Variants in GEN1 observed in about 807,000 individuals in gnomAD.
GEN1 encodes flap endonuclease GEN homolog 1.
Under a neutral mutation model 67.6 loss-of-function variants are expected in GEN1, and 64 were observed. The observed-to-expected ratio is 0.95, with a 90% CI of 0.77 to 1.17. GEN1 has a LOEUF of 1.17. GEN1 is among the 50% of genes most tolerant of loss of function. The pLI is 0.00. For missense variants in GEN1, 1,058 were observed against 1,048.3 expected, an observed-to-expected ratio of 1.01 and a Z score of -0.13; for synonymous variants, 371 against 359.4, an observed-to-expected ratio of 1.03 and a Z score of -0.37.
rs1008148414 is a variant in GEN1, at chr2:17,784,894, C to G, written c.*2955C>G. On this transcript the variant is annotated 3_prime_UTR_variant, in exon 14 of 14. Coordinates refer to ENST00000381254, the MANE Select transcript of GEN1 (RefSeq NM_001130009.3). ...CATTTTGCTATATAGCTCAGGAGTC[C>G]CCAACCCCTGGGCTATGGACAGGTA... 1 of 152,106 alleles carries G rather than the reference C, an allele frequency of 6.6e-6. No individual in the cohort carries two copies. Among genetic ancestry groups the G allele is most frequent in the African/African-American group, 2.4e-5 (1 of 41,404 alleles). 9.4% of individuals were successfully genotyped at this position (152,106 alleles called of 1,614,324 possible).
intron 1 of GEN1, among the ~76,000 whole-genome samples, chr2:17,755,998 T>C (rs1671417290): frequency 6.6e-6 from 1 of 152,254 alleles, no homozygotes; most frequent in Non-Finnish European, 1.5e-5. Flanking sequence ...TTATGTTCTT[T>C]CTATTATACC....
Position 17,761,470 on chromosome 2 carries a change from C to G in GEN1, c.236C>G (p.Pro79Arg). ...GTATTTGTTATGGAAGGGGAACCAC[C>G]AAAGCTGAAAGCTGATGTCATAAGC... is the stretch of plus-strand genomic sequence containing the variant. ...KLVFVMEGEP[P>R]KLKADVISKR... Residue 79 changes from proline to arginine, a missense_variant, in exon 3 of 14, where the codon CCA becomes CGA. Pro to Arg is a moderately radical substitution (Grantham distance 103). Coordinates refer to ENST00000381254, the MANE Select transcript of GEN1 (RefSeq NM_001130009.3). The G allele has an allele frequency of 1.2e-6, 2 of 1,612,926 alleles. No individual in the cohort carries two copies. Among genetic ancestry groups the G allele is most frequent in the Non-Finnish European group, 1.7e-6 (2 of 1,179,030 alleles).
chr2:17,769,168 C>T (rs1440973275), intron 6 of GEN1, among the ~76,000 whole-genome samples: 2 of 151,996 alleles, frequency 1.3e-5, no homozygotes, highest in Non-Finnish European at 2.9e-5. Context: ...AACAGATATG[C>T]ACCACTGTGC....
chr2:17,785,446 C>T lies in GEN1; in HGVS notation c.*3507C>T, dbSNP rs1188619055. On this transcript the variant is annotated 3_prime_UTR_variant, in exon 14 of 14. Transcript: ENST00000381254. ...GGATGCCTTGCTTCCCTTTGAAATACTCTGCCAAAGATCTGCCTCCAGCTG... is the reference window on the plus strand; with the variant it reads ...GGATGCCTTGCTTCCCTTTGAAATATTCTGCCAAAGATCTGCCTCCAGCTG... The T allele has an allele frequency of 1.3e-5, 2 of 152,342 alleles. No individual in the cohort carries two copies. Among genetic ancestry groups the T allele is most frequent in the Non-Finnish European group, 2.9e-5 (2 of 68,130 alleles). 9.4% of individuals were successfully genotyped at this position (152,342 alleles called of 1,614,324 possible).
chr2:17,762,806 G>A (rs1410485344), intron 3 of GEN1, among the ~76,000 whole-genome samples: 1 of 152,122 alleles, frequency 6.6e-6, no homozygotes, highest in Non-Finnish European at 1.5e-5. Flanking sequence ...ACCCAATGTT[G>A]GATTGATGGG....
At chr2:17,778,145 T>C in intron 12 of GEN1, 82 bp downstream of exon 12, 3 of 584,922 alleles carry the variant, frequency 5.1e-6, no homozygotes, top group South Asian at 1.7e-5. Flanking sequence ...TGTGTATATA[T>C]ATATATATAC....
intron 2 of GEN1, 107 bp from the exon 3 acceptor site, chr2:17,761,289 A>G (rs992102394): frequency 1.6e-6 from 1 of 628,230 alleles, no homozygotes; most frequent in South Asian, 2.2e-5. Flanking sequence ...ATGTTATTAC[A>G]TTAACGTTTT....
At chr2:17,759,351 T>C (rs527868096) in intron 1 of GEN1, among the ~76,000 whole-genome samples, 4 of 152,394 alleles carry the variant, frequency 2.6e-5, no homozygotes, top group Non-Finnish European at 4.4e-5. Context: ...GAAAAAGGTT[T>C]AACTTTAGTT....
chr2:17,761,394 A>G lies in GEN1; in HGVS notation c.162-2A>G. On this transcript the variant is annotated splice_acceptor_variant, in intron 2 of 13. Coordinates refer to ENST00000381254, the MANE Select transcript of GEN1 (RefSeq NM_001130009.3). LOFTEE classifies it high-confidence loss of function. Reference sequence around the variant, plus strand: ...AATGTATTACTAATTTATATATTTCAGGAACTTATTTTTTCGTATCTCATA... The same window carrying G: ...AATGTATTACTAATTTATATATTTCGGGAACTTATTTTTTCGTATCTCATA... 6 of 1,508,654 alleles carry G rather than the reference A, an allele frequency of 4.0e-6. No homozygotes were observed. The highest frequency in any genetic ancestry group is 1.7e-4 in the Middle Eastern group (1 of 5,842). 93.5% of individuals were successfully genotyped at this position (1,508,654 alleles called of 1,614,324 possible).
intron 11 of GEN1, 92 bp from the exon 12 acceptor site, chr2:17,777,910 A>AG (rs1401934991): frequency 7.9e-5 from 55 of 699,582 alleles, no homozygotes; most frequent in Non-Finnish European, 1.3e-4. Context: ...TTACCTGGGA[A>AG]AAAAAAATCT....
chr2:17,779,134 G>A (rs1470949940), intron 12 of GEN1, among the ~76,000 whole-genome samples: 1 of 152,134 alleles, frequency 6.6e-6, no homozygotes, highest in Non-Finnish European at 1.5e-5. Context: ...TTTTGGCCAG[G>A]CTGGTCTCGA....
intron 6 of GEN1, chr2:17,770,926 A>G (rs1672155021): frequency 2.9e-6 from 1 of 350,750 alleles, no homozygotes; most frequent in African/African-American, 2.1e-5. Flanking sequence ...ATATATATAT[A>G]CAATTTTTTT....
At chr2:17,760,921 C>CAA (rs763646870) in intron 2 of GEN1, among the ~76,000 whole-genome samples, 4 of 89,620 alleles carry the variant, frequency 4.5e-5, no homozygotes, top group Non-Finnish European at 4.7e-5. Flanking sequence ...GACTCCACCT[C>CAA]AAAAAAAAAA....
upstream of GEN1, among the ~76,000 whole-genome samples, chr2:17,753,288 C>G (rs1481541432): frequency 1.1e-4 from 7 of 66,544 alleles, no homozygotes; most frequent in Admixed American, 4.7e-4. Context: ...AGACCTCTCC[C>G]CGCTTTACAG....
chr2:17,784,537 A>G lies in GEN1; in HGVS notation c.*2598A>G, dbSNP rs537810571. On this transcript the variant is annotated 3_prime_UTR_variant, in exon 14 of 14. Coordinates refer to ENST00000381254, the MANE Select transcript of GEN1 (RefSeq NM_001130009.3). Reference sequence around the variant, plus strand: ...AATGTCCATAGCAGCGTTATTCATAATAGCCTAAAAGTGGAAACAATCCCA... The same window carrying G: ...AATGTCCATAGCAGCGTTATTCATAGTAGCCTAAAAGTGGAAACAATCCCA... The G allele has an allele frequency of 9.2e-5, 14 of 152,336 alleles. No individual in the cohort carries two copies. Among genetic ancestry groups the G allele is most frequent in the African/African-American group, 2.9e-4 (12 of 41,576 alleles). The allele number at this position is 152,336 out of a possible 1,614,324, so 9.4% of individuals were successfully genotyped here.
At chr2:17,772,031 A>T (rs542456229) in intron 7 of GEN1, among the ~76,000 whole-genome samples, 1 of 152,072 alleles carries the variant, frequency 6.6e-6, no homozygotes, top group Non-Finnish European at 1.5e-5. Context: ...TTTAGGTCAT[A>T]TCAAGTATAT....
chr2:17,762,200 G>GT (rs1558396766), intron 3 of GEN1, among the ~76,000 whole-genome samples: 10 of 139,982 alleles, frequency 7.1e-5, no homozygotes, highest in African/African-American at 1.3e-4. Flanking sequence ...TCTTTTTTTG[G>GT]TTGTTTTTTT....
chr2:17,779,940 CT>C, intron 12 of GEN1, 37 bp from the exon 13 acceptor site: 1 of 1,546,804 alleles, frequency 6.5e-7, no homozygotes, highest in Non-Finnish European at 8.9e-7. Context: ...TTTTAAATGC[CT>C]AATTAAGGAC....
intron 4 of GEN1, 93 bp downstream of exon 4, chr2:17,765,166 T>C: frequency 8.4e-7 from 1 of 1,188,832 alleles, no homozygotes; most frequent in South Asian, 1.3e-5. Context: ...AAATGCTTAC[T>C]GTAATGCCTT....
Sources: gnomAD v4.1 joint callset for allele counts (sites outside exome capture counted in the v4.1 genomes callset) on GRCh38, gnomAD v4.1.1 for gene constraint, MANE v1.5 for transcripts, NCBI Gene and HGNC (gene_info 2026-07-23, HGNC 2026-07-21) for gene names.